Variants in CCDC178 observed in about 807,000 individuals in gnomAD.
CCDC178 encodes coiled-coil domain-containing protein 178.
Under a neutral mutation model 117.4 loss-of-function variants are expected in CCDC178, and 126 were observed. The ratio of observed to expected loss-of-function variants is 1.07; its 90% confidence interval spans 0.93 to 1.24. The LOEUF (loss-of-function observed/expected upper bound fraction) is 1.24. Among genes scored for constraint, CCDC178 ranks in the 50% most tolerant of loss-of-function variants. The probability of loss-of-function intolerance (pLI) is 0.00; values close to 1 mark genes in which losing one functional copy is unlikely to be tolerated. For synonymous variants in CCDC178, 283 were observed against 313.4 expected (o/e 0.90, Z 1.02); for missense variants, 1,030 against 986.9 (o/e 1.04, Z -0.59).
intron 11 of CCDC178, among the ~76,000 whole-genome samples, chr18:33,315,555 T>C (rs1428840812): frequency 6.6e-6 from 1 of 152,108 alleles, no homozygotes; most frequent in African/African-American, 2.4e-5. Flanking sequence ...ATCGAGGCCA[T>C]ACACGGATAT....
intron 2 of CCDC178, among the ~76,000 whole-genome samples, chr18:33,430,655 AC>A (rs1416067662): frequency 6.6e-6 from 1 of 152,156 alleles, no homozygotes; most frequent in East Asian, 1.9e-4. Context: ...AGCTGCCTTA[AC>A]CACATCACTA....
At chr18:33,171,408 CAAT>C (rs2058597610) in intron 20 of CCDC178, among the ~76,000 whole-genome samples, 1 of 152,210 alleles carries the variant, frequency 6.6e-6, no homozygotes, top group South Asian at 2.1e-4. Flanking sequence ...GTGAACACAA[CAAT>C]GAGCTTCATC....
intron 21 of CCDC178, among the ~76,000 whole-genome samples, chr18:33,071,760 A>C (rs1244305779): frequency 2.6e-5 from 4 of 152,168 alleles, no homozygotes; most frequent in Non-Finnish European, 4.4e-5. Flanking sequence ...TTTCAATTTA[A>C]AGTTGCATTA....
chr18:33,347,229 G>A lies in CCDC178; in HGVS notation c.458-818C>T, dbSNP rs537992161. ...ACAAAGTGTTAAGAAATAAGGCCCC[G>A]AAAGAACTGAGGCTAGAGGAAAAAT... On this transcript the variant is annotated intron_variant, in intron 8 of 22. Coordinates refer to ENST00000383096, the MANE Select transcript of CCDC178 (RefSeq NM_001105528.4). 3.3e-5 allele frequency among the ~76,000 whole-genome samples: 5 copies of A among 152,186 alleles called. No homozygotes were observed. The East Asian group carries it at 5.8e-4, about 18-fold the overall frequency.
intron 21 of CCDC178, among the ~76,000 whole-genome samples, chr18:32,988,153 C>T (rs1183411938): frequency 1.4e-5 from 2 of 145,640 alleles, no homozygotes; most frequent in Non-Finnish European, 3.0e-5. Context: ...AAGTTGTTGG[C>T]TGACGCGGTG....
intron 4 of CCDC178, among the ~76,000 whole-genome samples, chr18:33,394,943 GTATA>G (rs61298209): frequency 0.11 from 6,817 of 61,230 alleles, 242 homozygotes; most frequent in East Asian, 0.2. Flanking sequence ...ATATGTATGT[GTATA>G]TATATATATA....
chr18:32,995,574 CCT>C (rs1384405616), intron 21 of CCDC178, among the ~76,000 whole-genome samples: 1 of 151,972 alleles, frequency 6.6e-6, no homozygotes, highest in Admixed American at 6.6e-5. Flanking sequence ...GGCTAAGCTG[CCT>C]CTATTTCTAA....
intron 3 of CCDC178, among the ~76,000 whole-genome samples, chr18:33,400,522 G>T (rs1316593414): frequency 6.6e-6 from 1 of 152,144 alleles, no homozygotes; most frequent in Non-Finnish European, 1.5e-5. Context: ...GCACTTTCAT[G>T]CTATGGAGAT....
intron 2 of CCDC178, among the ~76,000 whole-genome samples, chr18:33,428,853 C>G (rs916782096): frequency 6.6e-6 from 1 of 150,654 alleles, no homozygotes; most frequent in Non-Finnish European, 1.5e-5. Flanking sequence ...TTCTCAGGAC[C>G]CTTTAATGTG....
chr18:33,311,066 C>T (rs574790870), intron 11 of CCDC178, among the ~76,000 whole-genome samples: 1 of 152,242 alleles, frequency 6.6e-6, no homozygotes, highest in Admixed American at 6.5e-5. Flanking sequence ...GGAAAGATCC[C>T]TAGGGGTTTC....
intron 21 of CCDC178, among the ~76,000 whole-genome samples, chr18:33,034,372 C>A (rs1320088154): frequency 6.6e-6 from 1 of 152,014 alleles, no homozygotes; most frequent in Non-Finnish European, 1.5e-5. Context: ...CACTTCTCTG[C>A]TTAAAAGCTT....
At chr18:33,228,551 T>C (rs1162380593) in intron 15 of CCDC178, among the ~76,000 whole-genome samples, 1 of 152,254 alleles carries the variant, frequency 6.6e-6, no homozygotes, top group African/African-American at 2.4e-5. Flanking sequence ...ATTTGAAATC[T>C]GTGTACAAAA....
chr18:33,065,216 T>C (rs2056990860), intron 21 of CCDC178, among the ~76,000 whole-genome samples: 1 of 152,096 alleles, frequency 6.6e-6, no homozygotes, highest in Admixed American at 6.5e-5. Flanking sequence ...AACAGTAAGA[T>C]ATGGTGTACT....
chr18:33,313,306 A>G (rs1235975869), intron 11 of CCDC178, among the ~76,000 whole-genome samples: 1 of 152,222 alleles, frequency 6.6e-6, no homozygotes, highest in African/African-American at 2.4e-5. Context: ...GTTCACTGCC[A>G]TGGCCACCAA....
At chr18:33,119,952 G>A (rs574139955) in intron 20 of CCDC178, among the ~76,000 whole-genome samples, 19 of 151,868 alleles carry the variant, frequency 1.3e-4, no homozygotes, top group African/African-American at 1.9e-4. Flanking sequence ...ATCAAACACC[G>A]CTTGTTCTCA....
chr18:32,971,825 T>C (rs1413054117), intron 22 of CCDC178, among the ~76,000 whole-genome samples: 1 of 152,198 alleles, frequency 6.6e-6, no homozygotes, highest in Admixed American at 6.5e-5. Context: ...TGTCATCATT[T>C]GAGAAGTGTC....
At chr18:32,987,771 A>C (rs990620561) in intron 21 of CCDC178, among the ~76,000 whole-genome samples, 2 of 152,204 alleles carry the variant, frequency 1.3e-5, no homozygotes, top group South Asian at 4.1e-4. Flanking sequence ...AAAAATGTCT[A>C]TATCTCCTTA....
chr18:33,036,121 G>A (rs1393803988), intron 21 of CCDC178, among the ~76,000 whole-genome samples: 1 of 151,700 alleles, frequency 6.6e-6, no homozygotes, highest in Non-Finnish European at 1.5e-5. Flanking sequence ...GTAGACACAA[G>A]CCTAAACTCT....
intron 9 of CCDC178, among the ~76,000 whole-genome samples, chr18:33,339,654 G>T (rs2062789005): frequency 6.6e-6 from 1 of 151,942 alleles, no homozygotes; most frequent in South Asian, 2.1e-4. Flanking sequence ...CCAGGGGGAG[G>T]TAACTGAATC....
Sources: gnomAD v4.1 joint callset for allele counts (sites outside exome capture counted in the v4.1 genomes callset) on GRCh38, gnomAD v4.1.1 for gene constraint, MANE v1.5 for transcripts, NCBI Gene and HGNC (gene_info 2026-07-23, HGNC 2026-07-21) for gene names.